The following HRH1 variants were observed in gnomAD, a reference collection of about 807,000 sequenced individuals.
HRH1 encodes the protein histamine H1 receptor.
A neutral mutation model predicts 10.3 loss-of-function variants in HRH1; 6 were observed. That is an observed-to-expected ratio of 0.58 (90% CI 0.32 to 1.15). The LOEUF is 1.15. Ranked by LOEUF, HRH1 falls within the 50% of genes most tolerant of loss-of-function variation. HRH1 has a pLI of 0.05. For missense variants in HRH1, 514 were observed against 615.3 expected (o/e 0.84, Z 1.74); for synonymous variants, 242 against 236.7 (o/e 1.02, Z -0.21).
At chr3:11,195,534 C>T (rs1353426964) in intron 1 of HRH1, among the ~76,000 whole-genome samples, 1 of 152,148 alleles carries the variant, frequency 6.6e-6, no homozygotes, top group African/African-American at 2.4e-5. Context: ...TGCTGAAGCT[C>T]GAGGGTCTAC....
chr3:11,168,792 A>T (rs961983158), intron 1 of HRH1, among the ~76,000 whole-genome samples: 2 of 152,226 alleles, frequency 1.3e-5, no homozygotes, highest in Non-Finnish European at 2.9e-5. Context: ...GGTTTACCCC[A>T]TGGATTTGGG....
intron 1 of HRH1, among the ~76,000 whole-genome samples, chr3:11,165,530 G>A (rs201058963): frequency 1.3e-5 from 2 of 152,176 alleles, no homozygotes; most frequent in East Asian, 3.8e-4. Flanking sequence ...AAGCAAATGA[G>A]CAATTAGCTC....
chr3:11,236,960 T>C (rs1238980593), intron 1 of HRH1, among the ~76,000 whole-genome samples: 1 of 152,246 alleles, frequency 6.6e-6, no homozygotes, highest in Non-Finnish European at 1.5e-5. Flanking sequence ...CTCTTTTATT[T>C]AGTTCAATAT....
chr3:11,211,495 A>G lies in HRH1; in HGVS notation c.-35-47508A>G, dbSNP rs145117459. Among the ~76,000 whole-genome samples the G allele has an allele frequency of 4.5e-4, 69 of 152,322 alleles. 1 individual carries two copies. The East Asian group carries it at 0.012, about 27-fold the overall frequency. ...CAGTGTTTCATAATCACAATTAGGC[A>G]TTTCTGTTATACTTCATGATCAGAG... is the stretch of plus-strand genomic sequence containing the variant. On this transcript the variant is annotated intron_variant, in intron 1 of 1. Transcript: ENST00000431010.
At chr3:11,170,754 G>A (rs1354911009) in intron 1 of HRH1, among the ~76,000 whole-genome samples, 1 of 152,248 alleles carries the variant, frequency 6.6e-6, no homozygotes, top group Admixed American at 6.5e-5. Context: ...CCTGGAGGAT[G>A]AGGTATGCCA....
intron 1 of HRH1, among the ~76,000 whole-genome samples, chr3:11,223,806 G>A (rs902035190): frequency 2.6e-5 from 4 of 152,240 alleles, no homozygotes; most frequent in Admixed American, 6.5e-5. Context: ...GAGGCCTGGA[G>A]AAGTTGAGAG....
At chr3:11,171,530 G>C (rs1035794521) in intron 1 of HRH1, among the ~76,000 whole-genome samples, 4 of 152,100 alleles carry the variant, frequency 2.6e-5, no homozygotes, top group African/African-American at 9.7e-5. Flanking sequence ...AGAGTCCCAG[G>C]CTCCACCCCA....
intron 1 of HRH1, among the ~76,000 whole-genome samples, chr3:11,183,906 G>A (rs1467714198): frequency 7.0e-6 from 1 of 143,874 alleles, no homozygotes; most frequent in Non-Finnish European, 1.5e-5. Flanking sequence ...TATTCCCATG[G>A]CAGGTCCTTG....
intron 1 of HRH1, among the ~76,000 whole-genome samples, chr3:11,142,153 C>A (rs1443631869): frequency 6.6e-6 from 1 of 152,180 alleles, no homozygotes; most frequent in Non-Finnish European, 1.5e-5. Flanking sequence ...GCATATGCAA[C>A]AGAGGGAAAA....
At chr3:11,153,739 G>A (rs1936706055), upstream of HRH1, among the ~76,000 whole-genome samples, 1 of 152,036 alleles carries the variant, frequency 6.6e-6, no homozygotes, top group East Asian at 1.9e-4. Flanking sequence ...GGTTCCCGGG[G>A]ACCTGCAGAG....
intron 1 of HRH1, among the ~76,000 whole-genome samples, chr3:11,219,970 T>TA (rs34601901): frequency 7.1e-6 from 1 of 140,970 alleles, no homozygotes; most frequent in Non-Finnish European, 1.5e-5. Context: ...TTTTTTTTTT[T>TA]ACAATAAATT....
intron 1 of HRH1, among the ~76,000 whole-genome samples, chr3:11,141,787 A>G (rs1936296517): frequency 6.6e-6 from 1 of 152,054 alleles, no homozygotes; most frequent in African/African-American, 2.4e-5. Flanking sequence ...ACCCAAGAAC[A>G]TGAATACCAG....
At chr3:11,217,236 AAAAC>A (rs1018955045) in intron 1 of HRH1, among the ~76,000 whole-genome samples, 7 of 151,644 alleles carry the variant, frequency 4.6e-5, no homozygotes, top group African/African-American at 1.7e-4. Context: ...AACAGAAAGA[AAAAC>A]AAAGTGGGGC....
chr3:11,253,894 G>A (rs1017705259), intron 1 of HRH1, among the ~76,000 whole-genome samples: 5 of 152,154 alleles, frequency 3.3e-5, no homozygotes, highest in Admixed American at 6.5e-5. Context: ...CTCCATAAGG[G>A]TCATCTAAGA....
At chr3:11,160,520 G>A (rs1936901602) in intron 1 of HRH1, among the ~76,000 whole-genome samples, 1 of 151,800 alleles carries the variant, frequency 6.6e-6, no homozygotes, top group South Asian at 2.1e-4. Context: ...AAAGATAAAA[G>A]TCTAAATTAA....
chr3:11,140,045 G>A (rs1936262232), intron 1 of HRH1, among the ~76,000 whole-genome samples: 1 of 152,006 alleles, frequency 6.6e-6, no homozygotes, highest in African/African-American at 2.4e-5. Context: ...TTCCTTCTGG[G>A]CAGGTGCAGC....
intron 1 of HRH1, among the ~76,000 whole-genome samples, chr3:11,230,443 G>C (rs548069560): frequency 2.8e-4 from 43 of 152,254 alleles, no homozygotes; most frequent in African/African-American, 9.6e-4. Flanking sequence ...CTACTGAATC[G>C]ACTAAGCTGG....
At chr3:11,142,080 G>A (rs1459508252) in intron 1 of HRH1, among the ~76,000 whole-genome samples, 5 of 152,164 alleles carry the variant, frequency 3.3e-5, no homozygotes, top group Non-Finnish European at 7.4e-5. Context: ...AAGGTATGTG[G>A]GTAGCAGAGC....
chr3:11,151,327 G>T (rs376248242), upstream of HRH1, among the ~76,000 whole-genome samples: 7 of 152,350 alleles, frequency 4.6e-5, no homozygotes, highest in Admixed American at 2.6e-4. Context: ...AGAAAACAGA[G>T]TCAAGACAGA....
Sources: gnomAD v4.1 joint callset for allele counts (sites outside exome capture counted in the v4.1 genomes callset) on GRCh38, gnomAD v4.1.1 for gene constraint, MANE v1.5 for transcripts, NCBI Gene and HGNC (gene_info 2026-07-23, HGNC 2026-07-21) for gene names.